MAP2: variants seen among roughly 807,000 people sequenced by gnomAD.
MAP2 encodes the protein microtubule associated protein 2.
In MAP2, 14 loss-of-function variants were observed where a neutral mutation model predicts 137.6. The observed-to-expected ratio is 0.10, with a 90% CI of 0.07 to 0.16. MAP2 has a LOEUF of 0.16. Among genes scored for constraint, MAP2 ranks in the 10% least tolerant of loss-of-function variants. The probability of loss-of-function intolerance (pLI) is 1.00; values close to 1 mark genes in which losing one functional copy is unlikely to be tolerated. For missense variants in MAP2, 2,088 were observed against 2,191.5 expected, an observed-to-expected ratio of 0.95 and a Z score of 0.94; for synonymous variants, 786 against 782.3, an observed-to-expected ratio of 1.00 and a Z score of -0.08.
Position 209,696,208 on chromosome 2 carries a change from T to A in MAP2, c.4038T>A (p.Gly1346=). The change falls in exon 8 of 16, where the codon GGT becomes GGA. Residue 1346 remains glycine (G), a synonymous_variant. Transcript: ENST00000682079. ...AAGCCCAGGCAGAACCCAAAGATGGTTCCCCAGAGGCTCCAGCTTCCCCTG... is the reference window on the plus strand; with the variant it reads ...AAGCCCAGGCAGAACCCAAAGATGGATCCCCAGAGGCTCCAGCTTCCCCTG... ...AAEAQAEPKD[G]SPEAPASPER... is the part of the protein sequence containing the mutation. 1 of 1,613,788 alleles carries A rather than the reference T, an allele frequency of 6.2e-7. No homozygotes were observed. Among genetic ancestry groups the A allele is most frequent in the Non-Finnish European group, 8.5e-7 (1 of 1,179,894 alleles).
At chr2:209,688,162 A>G (rs550243131) in intron 7 of MAP2, among the ~76,000 whole-genome samples, 36 of 152,272 alleles carry the variant, frequency 2.4e-4, no homozygotes, top group Non-Finnish European at 5.3e-4. Context: ...GAGGCATGTG[A>G]GCACTTCCTT....
At chr2:209,542,265 T>C (rs534236132) in intron 2 of MAP2, among the ~76,000 whole-genome samples, 3 of 152,226 alleles carry the variant, frequency 2.0e-5, no homozygotes, top group African/African-American at 4.8e-5. Flanking sequence ...ACAGTAGGCA[T>C]AAAATATTGA....
chr2:209,631,259 G>A (rs574713766), intron 4 of MAP2, among the ~76,000 whole-genome samples: 5 of 152,114 alleles, frequency 3.3e-5, no homozygotes, highest in South Asian at 2.1e-4. Context: ...AGAGATGTGC[G>A]GGTATGTGGG....
intron 4 of MAP2, among the ~76,000 whole-genome samples, chr2:209,646,876 AT>A (rs2094453185): frequency 6.6e-6 from 1 of 152,170 alleles, no homozygotes; most frequent in African/African-American, 2.4e-5. Context: ...TAAATTCTAA[AT>A]TAATAGAACA....
At chr2:209,515,015 A>G (rs1166121949) in intron 2 of MAP2, among the ~76,000 whole-genome samples, 1 of 152,176 alleles carries the variant, frequency 6.6e-6, no homozygotes, top group African/African-American at 2.4e-5. Context: ...CCAGTTATTA[A>G]TAATATAAAA....
At chr2:209,613,604 G>A (rs573566671) in intron 3 of MAP2, among the ~76,000 whole-genome samples, 2 of 147,664 alleles carry the variant, frequency 1.4e-5, no homozygotes, top group Admixed American at 1.3e-4. Flanking sequence ...GGCTAGCGGA[G>A]AAGAGCTCTA....
chr2:209,492,581 T>C (rs1189326055), intron 1 of MAP2, among the ~76,000 whole-genome samples: 1 of 152,194 alleles, frequency 6.6e-6, no homozygotes, highest in Non-Finnish European at 1.5e-5. Flanking sequence ...GATAAGCAAC[T>C]TCAGCAAAGT....
chr2:209,470,809 T>G (rs927217886), intron 1 of MAP2, among the ~76,000 whole-genome samples: 3 of 152,158 alleles, frequency 2.0e-5, no homozygotes, highest in Admixed American at 6.5e-5. Context: ...AGGGAACACC[T>G]TTTTGAGGGC....
intron 2 of MAP2, among the ~76,000 whole-genome samples, chr2:209,529,005 CT>C (rs2064669501): frequency 6.6e-6 from 1 of 151,674 alleles, no homozygotes; most frequent in East Asian, 1.9e-4. Context: ...CATATCTAGC[CT>C]TTTTCTCTGG....
rs760851220 is a variant in MAP2 at position 209,693,569 on chromosome 2, G to T, written c.1399G>T (p.Asp467Tyr). 6.2e-7 allele frequency: 1 copy of T among 1,612,998 alleles called. No individual in the cohort carries two copies. Among genetic ancestry groups the T allele is most frequent in the East Asian group, 2.2e-5 (1 of 44,854 alleles). The change falls in exon 8 of 16, where the codon GAT becomes TAT. Residue 467 changes from aspartate to tyrosine, a missense_variant. Physicochemically the swap from Asp to Tyr is radical, Grantham distance 160. Coordinates refer to ENST00000682079, the MANE Select transcript of MAP2 (RefSeq NM_001375505.1). ...AGAGAGTAAACCCCCAAAACCTGCA[G>T]ATGAAGAAATAGGCATAATTCAGAC... ...PKESKPPKPADEEIGIIQTST... is the reference protein window; with the variant it reads ...PKESKPPKPAYEEIGIIQTST...
At chr2:209,725,255 C>A (rs1052526524) in intron 13 of MAP2, among the ~76,000 whole-genome samples, 4 of 152,166 alleles carry the variant, frequency 2.6e-5, no homozygotes. Context: ...TTTAGGAAAG[C>A]ACATTCAGAA....
chr2:209,603,310 A>G (rs750537958), intron 3 of MAP2, among the ~76,000 whole-genome samples: 10 of 152,210 alleles, frequency 6.6e-5, no homozygotes, highest in Non-Finnish European at 1.2e-4. Context: ...CCCACGAAAG[A>G]TACCTTAGAA....
intron 2 of MAP2, among the ~76,000 whole-genome samples, chr2:209,524,321 C>A (rs1251998503): frequency 6.6e-6 from 1 of 151,256 alleles, no homozygotes; most frequent in Admixed American, 6.6e-5. Flanking sequence ...TAGTCTTTTT[C>A]TTTTTTTTCT....
rs536969110 is a variant in MAP2, at chr2:209,621,030, A to T, written c.-106-4023A>T. ...ACCAACATGGTGAAACTCTGTCTCTACTAGAAATACAAAACTTAGCTGGGC... is the reference window on the plus strand; with the variant it reads ...ACCAACATGGTGAAACTCTGTCTCTTCTAGAAATACAAAACTTAGCTGGGC... On this transcript the variant is annotated intron_variant, in intron 3 of 15. Coordinates refer to ENST00000682079, the MANE Select transcript of MAP2 (RefSeq NM_001375505.1). 4.6e-5 allele frequency among the ~76,000 whole-genome samples: 7 copies of T among 151,986 alleles called. No homozygotes were observed. The East Asian group carries it at 1.4e-3, about 30-fold the overall frequency.
At chr2:209,644,024 GTCT>G in intron 4 of MAP2, among the ~76,000 whole-genome samples, 1 of 152,286 alleles carries the variant, frequency 6.6e-6, no homozygotes, top group South Asian at 2.1e-4. Context: ...GAAAGCACTA[GTCT>G]TCAAATGTCA....
intron 5 of MAP2, among the ~76,000 whole-genome samples, chr2:209,655,765 G>T (rs2095101751): frequency 6.6e-6 from 1 of 152,160 alleles, no homozygotes; most frequent in Non-Finnish European, 1.5e-5. Context: ...CAATCTACCA[G>T]TGTATTACAT....
chr2:209,664,376 C>G lies in MAP2; in HGVS notation c.262+10944C>G, dbSNP rs538836122. On this transcript the variant is annotated intron_variant, in intron 5 of 15. Transcript: ENST00000682079. ...ACCAGCCTGGCCAACATAGTGAAAC[C>G]CTGTCTCTACTAAAAATACAAAAAT... Among the ~76,000 whole-genome samples, 3 of 151,770 alleles carry G rather than the reference C, an allele frequency of 2.0e-5. No homozygotes were observed. In the East Asian group the frequency reaches 5.9e-4, roughly 30 times the overall value.
At chr2:209,528,944 A>G (rs1438302652) in intron 2 of MAP2, among the ~76,000 whole-genome samples, 1 of 151,726 alleles carries the variant, frequency 6.6e-6, no homozygotes, top group Non-Finnish European at 1.5e-5. Flanking sequence ...ATACATATGT[A>G]CATATACATA....
intron 7 of MAP2, chr2:209,690,643 AC>A: frequency 1.6e-6 from 2 of 1,289,182 alleles, no homozygotes; most frequent in Middle Eastern, 4.3e-4. Flanking sequence ...AGGAAGAGAA[AC>A]CTGCTGCTCT....
Sources: gnomAD v4.1 joint callset for allele counts (sites outside exome capture counted in the v4.1 genomes callset) on GRCh38, gnomAD v4.1.1 for gene constraint, MANE v1.5 for transcripts, NCBI Gene and HGNC (gene_info 2026-07-23, HGNC 2026-07-21) for gene names.